The following KDM4C variants were observed in gnomAD, a reference collection of about 807,000 sequenced individuals.
The protein encoded by KDM4C is lysine demethylase 4C.
A neutral mutation model predicts 129.3 loss-of-function variants in KDM4C; 81 were observed. The observed-to-expected ratio is 0.63, with a 90% CI of 0.52 to 0.75. The LOEUF (loss-of-function observed/expected upper bound fraction) is 0.75, where lower values mean the gene tolerates loss of function less well. KDM4C is among the 30% of genes least tolerant of loss of function. KDM4C has a pLI of 0.00. For missense variants in KDM4C, 1,457 were observed against 1,304.0 expected (o/e 1.12, Z -1.81); for synonymous variants, 573 against 456.1 (o/e 1.26, Z -3.26).
In KDM4C at chr9:6,729,644, C is replaced by G. The variant is rs190686301; in HGVS notation, c.49+8647C>G. Among the ~76,000 whole-genome samples, 8 of 134,960 alleles carry G rather than the reference C, an allele frequency of 5.9e-5. 1 individual carries two copies. The highest frequency in any genetic ancestry group is 1.2e-4 in the Non-Finnish European group (8 of 65,592). The allele number at this position is 134,960 out of a possible 152,430, so 88.5% of individuals were successfully genotyped here. On this transcript the variant is annotated intron_variant, in intron 1 of 17. Transcript: ENST00000536108. ...GAAATAACATTAAAAAGGAGGTACT[C>G]TCCATATGGAAATATACTTTTAGAG...
chr9:6,746,604 G>C, intron 1 of KDM4C, among the ~76,000 whole-genome samples: 1 of 151,720 alleles, frequency 6.6e-6, no homozygotes, highest in East Asian at 1.9e-4. Context: ...TTTAGGCCAA[G>C]TGTGGTGCCT....
intron 8 of KDM4C, among the ~76,000 whole-genome samples, chr9:6,940,414 C>A (rs937500951): frequency 6.6e-6 from 1 of 152,166 alleles, no homozygotes; most frequent in Non-Finnish European, 1.5e-5. Flanking sequence ...GTTGTCACTA[C>A]CTTGGAGAAC....
At chr9:7,166,787 G>A (rs1844433283) in intron 20 of KDM4C, among the ~76,000 whole-genome samples, 1 of 152,174 alleles carries the variant, frequency 6.6e-6, no homozygotes, top group African/African-American at 2.4e-5. Context: ...TTAGTAATCA[G>A]TGTGTTAACT....
At chr9:6,824,437 A>AAC (rs1833550379) in intron 4 of KDM4C, among the ~76,000 whole-genome samples, 1 of 152,210 alleles carries the variant, frequency 6.6e-6, no homozygotes. Context: ...AAGAGGGTTC[A>AAC]GGTGAGCTTC....
At chr9:6,828,771 T>A (rs747476898) in intron 4 of KDM4C, among the ~76,000 whole-genome samples, 1 of 152,186 alleles carries the variant, frequency 6.6e-6, no homozygotes, top group Non-Finnish European at 1.5e-5. Flanking sequence ...CTCAGGAGGC[T>A]GAGGCAGGAG....
At chr9:6,905,230 G>T (rs1818110981) in intron 8 of KDM4C, among the ~76,000 whole-genome samples, 1 of 152,138 alleles carries the variant, frequency 6.6e-6, no homozygotes, top group Admixed American at 6.6e-5. Context: ...TGCCAACAGG[G>T]ATACACATTG....
rs1563983140 is a variant in KDM4C, at chr9:7,013,893, A to AT, written c.2077dup (p.Tyr693LeufsTer2). 6.2e-7 allele frequency: 1 copy of AT among 1,613,960 alleles called. No homozygotes were observed. The highest frequency in any genetic ancestry group is 8.5e-7 in the Non-Finnish European group (1 of 1,179,848). On this transcript the variant is annotated frameshift_variant, in exon 14 of 22. Transcript: ENST00000381309. LOFTEE classifies it high-confidence loss of function. Reference sequence around the variant, plus strand: ...GCCCCTCATACCAGAGATGTGTTTTATTTATAGTGAAGAAAATATAGAATA... The same window carrying AT: ...GCCCCTCATACCAGAGATGTGTTTTATTTTATAGTGAAGAAAATATAGAATA...
chr9:6,950,856 G>C (rs1828017894), intron 8 of KDM4C, among the ~76,000 whole-genome samples: 2 of 152,062 alleles, frequency 1.3e-5, no homozygotes, highest in African/African-American at 4.8e-5. Context: ...AAAAAGCTGT[G>C]GCTGAGTTAA....
chr9:6,956,964 T>C (rs1352909485), intron 8 of KDM4C, among the ~76,000 whole-genome samples: 1 of 152,186 alleles, frequency 6.6e-6, no homozygotes, highest in East Asian at 1.9e-4. Context: ...AGTGTCTTAC[T>C]GGTCAGGCAG....
intron 14 of KDM4C, among the ~76,000 whole-genome samples, chr9:7,014,860 T>C (rs1823360330): frequency 1.3e-5 from 2 of 151,926 alleles, no homozygotes; most frequent in South Asian, 4.1e-4. Context: ...ATTTAAATGC[T>C]ATCTGCTTGA....
At position 6,834,584 on chromosome 9, in the gene KDM4C, A is replaced by G. The variant is rs566775807; in HGVS notation, c.436-14923A>G. 3 of 732,824 alleles carry G rather than the reference A, an allele frequency of 4.1e-6. No homozygotes were observed. The South Asian group carries it at 4.4e-5, about 11-fold the overall frequency. The allele number at this position is 732,824 out of a possible 1,614,324, so 45.4% of individuals were successfully genotyped here. A position where few individuals can be genotyped will look rare whatever the true frequency, so the allele number is the denominator to read the frequency against. Reference sequence around the variant, plus strand: ...GTGGCACCCCAAGCACCAGGGCATGATGGTGGGCATGGGTCGGAAGGACTC... The same window carrying G: ...GTGGCACCCCAAGCACCAGGGCATGGTGGTGGGCATGGGTCGGAAGGACTC... On this transcript the variant is annotated intron_variant, in intron 4 of 21. Transcript: ENST00000381309.
intron 15 of KDM4C, among the ~76,000 whole-genome samples, chr9:7,036,043 G>A (rs968325103): frequency 6.6e-6 from 1 of 152,100 alleles, no homozygotes; most frequent in Non-Finnish European, 1.5e-5. Flanking sequence ...TGTTTTGATA[G>A]GGATTGCATT....
intron 19 of KDM4C, among the ~76,000 whole-genome samples, chr9:7,130,790 A>C (rs549519727): frequency 6.6e-6 from 1 of 151,772 alleles, no homozygotes; most frequent in Non-Finnish European, 1.5e-5. Flanking sequence ...ACAGGGCCTC[A>C]TTTTGTCGCC....
rs1032816019 is a variant in KDM4C at position 6,867,005 on chromosome 9, A to G, written c.630-13007A>G. On this transcript the variant is annotated intron_variant, in intron 5 of 21. Transcript: ENST00000381309. ...TGTGTGTGTGTGTGTGTGTGTATAT[A>G]TATATATATATATTTTTTTTTTTTT... Among the ~76,000 whole-genome samples, 539 of 77,200 alleles carry G rather than the reference A, an allele frequency of 7.0e-3. 1 individual carries two copies. Among genetic ancestry groups the G allele is most frequent in the African/African-American group, 0.031 (480 of 15,712 alleles). The allele number at this position is 77,200 out of a possible 152,430, so 50.6% of individuals were successfully genotyped here.
At chr9:7,168,072 C>T (rs1564202838) in intron 20 of KDM4C, among the ~76,000 whole-genome samples, 1 of 152,144 alleles carries the variant, frequency 6.6e-6, no homozygotes, top group Non-Finnish European at 1.5e-5. Context: ...CTTATAATTA[C>T]AGCTACTTGA....
chr9:6,831,836 A>G (rs1192616768), intron 4 of KDM4C, among the ~76,000 whole-genome samples: 5 of 152,176 alleles, frequency 3.3e-5, no homozygotes, highest in Non-Finnish European at 7.3e-5. Flanking sequence ...GGCCAGAAAG[A>G]ACCCTGTACT....
intron 1 of KDM4C, among the ~76,000 whole-genome samples, chr9:6,784,932 C>T (rs367772651): frequency 3.3e-5 from 5 of 152,130 alleles, no homozygotes; most frequent in African/African-American, 9.7e-5. Context: ...AGTTTAGAAC[C>T]ATTTGAGAAG....
intron 8 of KDM4C, among the ~76,000 whole-genome samples, chr9:6,932,515 T>C (rs932775795): frequency 6.6e-6 from 1 of 152,200 alleles, no homozygotes; most frequent in African/African-American, 2.4e-5. Flanking sequence ...GTGTATACAA[T>C]TGAAGCAATC....
chr9:6,893,897 A>C (rs1040804948), intron 8 of KDM4C, among the ~76,000 whole-genome samples: 2 of 152,238 alleles, frequency 1.3e-5, no homozygotes, highest in African/African-American at 4.8e-5. Flanking sequence ...AGACATCTTC[A>C]AAGTGATGGT....
Sources: gnomAD v4.1 joint callset for allele counts (sites outside exome capture counted in the v4.1 genomes callset) on GRCh38, gnomAD v4.1.1 for gene constraint, MANE v1.5 for transcripts, NCBI Gene and HGNC (gene_info 2026-07-23, HGNC 2026-07-21) for gene names.